The following LRRTM4 variants were observed in gnomAD, a reference collection of about 807,000 sequenced individuals.
LRRTM4 encodes the protein leucine-rich repeat transmembrane neuronal protein 4.
A neutral mutation model predicts 47.6 loss-of-function variants in LRRTM4; 25 were observed. The ratio of observed to expected loss-of-function variants is 0.53; its 90% CI spans 0.38 to 0.73. The LOEUF (loss-of-function observed/expected upper bound fraction) is 0.73, where lower values mean the gene tolerates loss of function less well. Ranked by LOEUF, LRRTM4 falls within the 30% of genes least tolerant of loss-of-function variation. LRRTM4 has a pLI of 0.00. For missense variants in LRRTM4, 638 were observed against 713.4 expected, an observed-to-expected ratio of 0.89 and a Z score of 1.20; for synonymous variants, 311 against 269.5, an observed-to-expected ratio of 1.15 and a Z score of -1.51.
chr2:77,252,344 G>A (rs1175739430), intron 3 of LRRTM4, among the ~76,000 whole-genome samples: 1 of 152,086 alleles, frequency 6.6e-6, no homozygotes. Flanking sequence ...TAGGCAAAGA[G>A]GTTTGGTTTT....
chr2:77,388,887 T>C (rs1673391993), intron 3 of LRRTM4, among the ~76,000 whole-genome samples: 1 of 152,070 alleles, frequency 6.6e-6, no homozygotes, highest in Non-Finnish European at 1.5e-5. Context: ...TAAAGTTTCA[T>C]ATATAATGCA....
At chr2:77,433,707 A>G (rs541303657) in intron 3 of LRRTM4, among the ~76,000 whole-genome samples, 29 of 152,228 alleles carry the variant, frequency 1.9e-4, no homozygotes, top group Admixed American at 5.2e-4. Context: ...AAAAAGAAGG[A>G]TTTCTTGGCT....
chr2:77,263,327 T>C (rs1248191519), intron 3 of LRRTM4, among the ~76,000 whole-genome samples: 1 of 152,078 alleles, frequency 6.6e-6, no homozygotes, highest in African/African-American at 2.4e-5. Flanking sequence ...AGGTGAATTG[T>C]GGTTTTGAGT....
Position 76,918,067 on chromosome 2 carries a change from T to A in LRRTM4, c.1552-169151A>T, listed in dbSNP as rs1674314242. On this transcript the variant is annotated intron_variant, in intron 3 of 3. Transcript: ENST00000409884. ...GAAGACACCATTTGATATTTTAAGG[T>A]AGTAGTTGCTTTTCCAGTATTAATA... Among the ~76,000 whole-genome samples, 3 of 152,204 alleles carry A rather than the reference T, an allele frequency of 2.0e-5. No homozygotes were observed. The South Asian group carries it at 6.2e-4, about 31-fold the overall frequency.
chr2:76,961,388 T>G (rs2103913483), intron 3 of LRRTM4, among the ~76,000 whole-genome samples: 1 of 150,094 alleles, frequency 6.7e-6, no homozygotes, highest in South Asian at 2.1e-4. Context: ...AGCTTGCCAA[T>G]ATTTTTATAC....
At position 77,024,050 on chromosome 2, in the gene LRRTM4, G is replaced by A. The variant is rs374798971; in HGVS notation, c.1552-275134C>T. Among the ~76,000 whole-genome samples the A allele has an allele frequency of 4.6e-5, 7 of 152,238 alleles. No individual in the cohort carries two copies. In the South Asian group the frequency reaches 1.2e-3, roughly 27 times the overall value. On this transcript the variant is annotated intron_variant, in intron 3 of 3. Transcript: ENST00000409884. ...CAAAAGTGCTTTTTACATGGCAGTG[G>A]CAAGAGAAAATGAGGGAAAAGCAAA...
intron 3 of LRRTM4, among the ~76,000 whole-genome samples, chr2:76,783,942 T>C (rs1674531394): frequency 6.6e-6 from 1 of 152,190 alleles, no homozygotes; most frequent in Admixed American, 6.5e-5. Context: ...GATGATTCAT[T>C]AGTAAAAATG....
intron 3 of LRRTM4, among the ~76,000 whole-genome samples, chr2:76,887,373 T>A (rs1390216994): frequency 1.3e-5 from 2 of 151,396 alleles, no homozygotes; most frequent in Non-Finnish European, 1.5e-5. Context: ...TTCTAAACCC[T>A]GCACCAAGGC....
At chr2:77,421,941 T>C (rs916281787) in intron 3 of LRRTM4, among the ~76,000 whole-genome samples, 1 of 152,202 alleles carries the variant, frequency 6.6e-6, no homozygotes, top group Admixed American at 6.5e-5. Flanking sequence ...GTAACTACTC[T>C]ATGTTTAGGT....
chr2:77,285,363 T>TATATATATATATATATA (rs1676625877), intron 3 of LRRTM4, among the ~76,000 whole-genome samples: 1 of 143,432 alleles, frequency 7.0e-6, no homozygotes, highest in African/African-American at 2.5e-5. Flanking sequence ...TATATATATA[T>TATATATATATATATATA]GGCCAATAGA....
intron 3 of LRRTM4, among the ~76,000 whole-genome samples, chr2:77,390,287 G>A (rs1673449474): frequency 6.6e-6 from 1 of 152,074 alleles, no homozygotes; most frequent in South Asian, 2.1e-4. Flanking sequence ...AGCAGTGGAC[G>A]GGCTTAGGTA....
At chr2:77,390,507 C>T (rs868675199) in intron 3 of LRRTM4, among the ~76,000 whole-genome samples, 31 of 151,754 alleles carry the variant, frequency 2.0e-4, no homozygotes, top group African/African-American at 6.5e-4. Context: ...AATTGATATC[C>T]GCTGGTAAAT....
chr2:76,861,611 T>C (rs905150069), intron 3 of LRRTM4, among the ~76,000 whole-genome samples: 1 of 152,196 alleles, frequency 6.6e-6, no homozygotes, highest in Admixed American at 6.6e-5. Context: ...AATCTTGACA[T>C]AGGCATTGAA....
At chr2:77,421,323 G>A (rs1420639947) in intron 3 of LRRTM4, among the ~76,000 whole-genome samples, 6 of 152,086 alleles carry the variant, frequency 3.9e-5, no homozygotes, top group African/African-American at 1.2e-4. Flanking sequence ...TCTCAACTGG[G>A]TTTTTTTATC....
intron 3 of LRRTM4, among the ~76,000 whole-genome samples, chr2:77,133,889 C>A (rs1270255359): frequency 6.6e-6 from 1 of 152,058 alleles, no homozygotes; most frequent in Admixed American, 6.6e-5. Flanking sequence ...TTGTGTTTTC[C>A]ATATGCATAC....
intron 3 of LRRTM4, among the ~76,000 whole-genome samples, chr2:77,139,169 A>G (rs1468622202): frequency 6.6e-6 from 1 of 151,976 alleles, no homozygotes; most frequent in Non-Finnish European, 1.5e-5. Context: ...AGACACAACA[A>G]AAAAAAGAGA....
rs201211612 is a variant in LRRTM4 at position 77,290,354 on chromosome 2, A to AATAC, written c.1551+227963_1551+227964insGTAT. On this transcript the variant is annotated intron_variant, in intron 3 of 3. Transcript: ENST00000409884. ...AATATGTGGGAGGTAAAAATAAATA[A>AATAC]ACTCATGGAGATTGAGAGTAGAATG... Among the ~76,000 whole-genome samples the AATAC allele has an allele frequency of 6.2e-3, 935 of 151,984 alleles. 11 individuals are homozygous for AATAC. The highest frequency in any genetic ancestry group is 0.02 in the African/African-American group (850 of 41,466).
chr2:77,399,199 T>G (rs564167691), intron 3 of LRRTM4, among the ~76,000 whole-genome samples: 2 of 151,468 alleles, frequency 1.3e-5, no homozygotes, highest in East Asian at 3.9e-4. Context: ...AAAATATTTT[T>G]AAATTAATTA....
intron 3 of LRRTM4, among the ~76,000 whole-genome samples, chr2:77,316,240 T>C (rs1389897024): frequency 2.6e-5 from 4 of 152,124 alleles, no homozygotes; most frequent in Non-Finnish European, 4.4e-5. Flanking sequence ...GTCATCCAGA[T>C]GAAAGGAGAT....
Sources: allele counts gnomAD v4.1 joint callset (sites outside exome capture counted in the v4.1 genomes callset), GRCh38; gene constraint gnomAD v4.1.1; transcripts MANE v1.5; gene names NCBI Gene and HGNC (gene_info 2026-07-23, HGNC 2026-07-21).